Variants in ARIH1 observed in about 807,000 individuals in gnomAD.
The protein encoded by ARIH1 is E3 ubiquitin-protein ligase ARIH1.
Under a neutral mutation model 85.0 loss-of-function variants are expected in ARIH1, and 8 were observed. That is an observed-to-expected ratio of 0.09 (90% CI 0.06 to 0.17). ARIH1 has a LOEUF of 0.17. ARIH1 is among the 10% of genes least tolerant of loss of function. The probability of loss-of-function intolerance (pLI) is 1.00; values close to 1 mark genes in which losing one functional copy is unlikely to be tolerated. For missense variants in ARIH1, 311 were observed against 718.1 expected, an observed-to-expected ratio of 0.43 and a Z score of 6.48; for synonymous variants, 238 against 253.6, an observed-to-expected ratio of 0.94 and a Z score of 0.59.
intron 2 of ARIH1, among the ~76,000 whole-genome samples, chr15:72,535,198 G>A (rs536350056): frequency 5.9e-5 from 9 of 151,698 alleles, no homozygotes; most frequent in Non-Finnish European, 8.8e-5. Flanking sequence ...TGATCCACCC[G>A]CCTCGGCCTC....
chr15:72,475,487 A>T (rs1033239724), intron 1 of ARIH1, among the ~76,000 whole-genome samples: 1 of 152,218 alleles, frequency 6.6e-6, no homozygotes, highest in Non-Finnish European at 1.5e-5. Context: ...AGTTGCCCCA[A>T]GTGGGCACCA....
intron 1 of ARIH1, chr15:72,475,286 A>T: frequency 1.8e-6 from 1 of 541,754 alleles, no homozygotes. Flanking sequence ...TCTTGCGGGC[A>T]ATTTCTGCCA....
chr15:72,560,314 C>G (rs549236490), intron 5 of ARIH1, among the ~76,000 whole-genome samples: 1 of 152,074 alleles, frequency 6.6e-6, no homozygotes, highest in Non-Finnish European at 1.5e-5. Flanking sequence ...TATATCCAAA[C>G]GAGTGTGGAA....
intron 1 of ARIH1, among the ~76,000 whole-genome samples, chr15:72,489,695 C>G (rs2063851470): frequency 6.6e-6 from 1 of 152,196 alleles, no homozygotes; most frequent in Non-Finnish European, 1.5e-5. Context: ...GAGCTTGTTT[C>G]TGTTTCTGGA....
chr15:72,566,540 T>G (rs1477058461), intron 7 of ARIH1, 23 bp from the exon 8 acceptor site: 2 of 1,604,328 alleles, frequency 1.2e-6, no homozygotes, highest in Non-Finnish European at 1.7e-6. Context: ...TTAATTCTAT[T>G]AACTCTTTGT....
intron 1 of ARIH1, among the ~76,000 whole-genome samples, chr15:72,494,581 G>C (rs753909851): frequency 6.6e-6 from 1 of 152,138 alleles, no homozygotes; most frequent in African/African-American, 2.4e-5. Flanking sequence ...GCGTAGTGCT[G>C]TTGAGATGGA....
intron 6 of ARIH1, among the ~76,000 whole-genome samples, chr15:72,562,109 TGTA>T (rs1187852587): frequency 6.6e-6 from 1 of 152,226 alleles, no homozygotes; most frequent in Non-Finnish European, 1.5e-5. Flanking sequence ...AGCTGAGAAT[TGTA>T]GTAGATTACT....
chr15:72,525,864 C>A (rs1257732869), intron 2 of ARIH1, among the ~76,000 whole-genome samples: 3 of 151,754 alleles, frequency 2.0e-5, no homozygotes. Flanking sequence ...TGGTCTCAAA[C>A]TCCTAGACAC....
At chr15:72,489,449 CA>C (rs2063850307) in intron 1 of ARIH1, among the ~76,000 whole-genome samples, 1 of 152,052 alleles carries the variant, frequency 6.6e-6, no homozygotes, top group African/African-American at 2.4e-5. Context: ...TCAGTGGCAC[CA>C]AAGTATGCTA....
intron 2 of ARIH1, among the ~76,000 whole-genome samples, chr15:72,543,860 T>A (rs78926348): frequency 1.3e-5 from 2 of 152,000 alleles, no homozygotes; most frequent in Non-Finnish European, 2.9e-5. Context: ...TTTTTTTTTT[T>A]AATATCTATT....
chr15:72,531,043 G>A (rs1226080539), intron 2 of ARIH1, among the ~76,000 whole-genome samples: 8 of 152,106 alleles, frequency 5.3e-5, no homozygotes, highest in Admixed American at 5.2e-4. Flanking sequence ...ATGTGTGATA[G>A]CTACTTGTTT....
Position 72,587,081 on chromosome 15 carries a change from T to A in ARIH1, c.*3789T>A, listed in dbSNP as rs764774590. ...TTGGATCTGTAATTATGGGAGTTTATCACTTTTCCTCTTCAAAGCACTTCA... is the reference window on the plus strand; with the variant it reads ...TTGGATCTGTAATTATGGGAGTTTAACACTTTTCCTCTTCAAAGCACTTCA... On this transcript the variant is annotated 3_prime_UTR_variant, in exon 14 of 14. Transcript: ENST00000379887. The A allele has an allele frequency of 4.9e-6, 2 of 410,974 alleles. No individual in the cohort carries two copies. The highest frequency in any genetic ancestry group is 9.5e-6 in the Non-Finnish European group (2 of 211,194). The allele number at this position is 410,974 out of a possible 1,614,324, so 25.5% of individuals were successfully genotyped here.
At chr15:72,550,751 A>G (rs57155740) in intron 3 of ARIH1, among the ~76,000 whole-genome samples, 5,842 of 151,018 alleles carry the variant, frequency 0.039, 336 homozygotes, top group African/African-American at 0.13. Flanking sequence ...GGCTTACTGC[A>G]ACCTCCGCCT....
intron 1 of ARIH1, among the ~76,000 whole-genome samples, chr15:72,488,739 C>T (rs545452345): frequency 3.6e-4 from 55 of 152,276 alleles, no homozygotes; most frequent in Admixed American, 1.9e-3. Flanking sequence ...GGGATCCAGA[C>T]AAGATTTTCT....
chr15:72,552,014 C>G lies in ARIH1; in HGVS notation c.589-3257C>G, dbSNP rs569495970. Among the ~76,000 whole-genome samples, 91 of 152,256 alleles carry G rather than the reference C, an allele frequency of 6.0e-4. 1 individual carries two copies. The highest frequency in any genetic ancestry group is 2.1e-3 in the African/African-American group (86 of 41,544). ...GGGCATGAGAAATCAAGTACTCTTG[C>G]ACGGCATAAATGACGACAATCTCTT... On this transcript the variant is annotated intron_variant, in intron 3 of 13. Coordinates refer to ENST00000379887, the MANE Select transcript of ARIH1 (RefSeq NM_005744.5).
chr15:72,481,588 A>G (rs990726597), intron 1 of ARIH1, among the ~76,000 whole-genome samples: 9 of 152,120 alleles, frequency 5.9e-5, no homozygotes, highest in Non-Finnish European at 5.9e-5. Context: ...GGGAGACTTG[A>G]GGCAGGAGAA....
chr15:72,524,313 G>A (rs1009002745), intron 2 of ARIH1, among the ~76,000 whole-genome samples: 1 of 148,456 alleles, frequency 6.7e-6, no homozygotes, highest in Non-Finnish European at 1.5e-5. Context: ...ATGGTGCAAT[G>A]TCCACTCATT....
intron 13 of ARIH1, among the ~76,000 whole-genome samples, 198 bp from the exon 14 acceptor site, chr15:72,583,010 G>T (rs917758617): frequency 6.6e-6 from 1 of 152,168 alleles, no homozygotes; most frequent in African/African-American, 2.4e-5. Context: ...ATGGCTTTCA[G>T]AAAATACCAT....
intron 3 of ARIH1, among the ~76,000 whole-genome samples, chr15:72,549,156 C>T (rs1202381332): frequency 6.7e-6 from 1 of 149,212 alleles, no homozygotes; most frequent in Admixed American, 6.7e-5. Context: ...GGCATGTTCT[C>T]GGCTCACTGC....
Sources: allele counts gnomAD v4.1 joint callset (sites outside exome capture counted in the v4.1 genomes callset), GRCh38; gene constraint gnomAD v4.1.1; transcripts MANE v1.5; gene names NCBI Gene and HGNC (gene_info 2026-07-23, HGNC 2026-07-21).